Variants in MBNL2 observed in about 807,000 individuals in gnomAD.
MBNL2 encodes muscleblind-like protein 2.
A neutral mutation model predicts 41.9 loss-of-function variants in MBNL2; 17 were observed. The observed-to-expected ratio is 0.41, with a 90% confidence interval of 0.28 to 0.61. The LOEUF (loss-of-function observed/expected upper bound fraction) is 0.61, where lower values mean the gene tolerates loss of function less well. Among genes scored for constraint, MBNL2 ranks in the 20% least tolerant of loss-of-function variants. The pLI is 0.35. For missense variants in MBNL2, 336 were observed against 505.6 expected, an observed-to-expected ratio of 0.66 and a Z score of 3.22; for synonymous variants, 195 against 182.9, an observed-to-expected ratio of 1.07 and a Z score of -0.53.
At chr13:97,174,267 T>C in the MBNL2 span, among the ~76,000 whole-genome samples, 3 of 152,200 alleles carry the variant, frequency 2.0e-5, no homozygotes, top group Admixed American at 2.0e-4. Context: ...TTCCTAACTC[T>C]ACAGCCATAC....
At chr13:97,378,205 C>CTTA (rs2065131775) in intron 8 of MBNL2, among the ~76,000 whole-genome samples, 2 of 145,868 alleles carry the variant, frequency 1.4e-5, no homozygotes, top group African/African-American at 5.5e-5. Context: ...TATGTAATAA[C>CTTA]ACTGGCATTT....
chr13:97,286,403 T>A (rs924674452), intron 2 of MBNL2, among the ~76,000 whole-genome samples: 3 of 152,292 alleles, frequency 2.0e-5, no homozygotes, highest in African/African-American at 7.2e-5. Context: ...GATCCTAAAC[T>A]AGAGCACTTT....
intron 8 of MBNL2, among the ~76,000 whole-genome samples, chr13:97,370,739 C>T (rs184216357): frequency 7.3e-5 from 11 of 150,858 alleles, no homozygotes; most frequent in South Asian, 6.3e-4. Flanking sequence ...AATAAAATAA[C>T]CAGTGAAAAT....
intron 1 of MBNL2, among the ~76,000 whole-genome samples, chr13:97,240,187 G>A (rs1480533466): frequency 2.6e-5 from 4 of 152,128 alleles, no homozygotes; most frequent in African/African-American, 7.2e-5. Context: ...TTTATTGCTA[G>A]ACTACACAGT....
At chr13:97,356,573 T>C (rs1039530044) in intron 5 of MBNL2, among the ~76,000 whole-genome samples, 1 of 152,242 alleles carries the variant, frequency 6.6e-6, no homozygotes, top group Non-Finnish European at 1.5e-5. Flanking sequence ...TCAATACTAA[T>C]TTAAGGTGTA....
At chr13:97,379,492 T>C (rs977660602) in intron 8 of MBNL2, among the ~76,000 whole-genome samples, 2 of 152,122 alleles carry the variant, frequency 1.3e-5, no homozygotes, top group Non-Finnish European at 2.9e-5. Flanking sequence ...GTAACAACAC[T>C]AGTTGAGGAT....
the MBNL2 span, among the ~76,000 whole-genome samples, chr13:97,204,231 G>A: frequency 1.3e-5 from 2 of 152,170 alleles, no homozygotes; most frequent in African/African-American, 2.4e-5. Context: ...TCTTCTCAAC[G>A]CAGTGAGCCC....
the MBNL2 span, among the ~76,000 whole-genome samples, chr13:97,206,369 A>G: frequency 2.1e-3 from 317 of 152,106 alleles, 1 homozygote; most frequent in African/African-American, 6.4e-3. Flanking sequence ...AAGATCTCTC[A>G]GCTTTCCTTC....
chr13:97,191,253 G>C, the MBNL2 span, among the ~76,000 whole-genome samples: 1 of 151,432 alleles, frequency 6.6e-6, no homozygotes, highest in Admixed American at 6.6e-5. Flanking sequence ...GTGTGCACTG[G>C]GGTGGAGCCA....
intron 8 of MBNL2, among the ~76,000 whole-genome samples, chr13:97,385,158 C>A (rs971660232): frequency 2.6e-5 from 4 of 152,068 alleles, no homozygotes; most frequent in Non-Finnish European, 4.4e-5. Flanking sequence ...TTTAGCCATC[C>A]ATGCAAGCAA....
chr13:97,328,113 A>G (rs2060059644), intron 2 of MBNL2, among the ~76,000 whole-genome samples: 1 of 151,936 alleles, frequency 6.6e-6, no homozygotes, highest in Non-Finnish European at 1.5e-5. Flanking sequence ...AAGGTGCCCA[A>G]GAACAGCAGC....
intron 2 of MBNL2, among the ~76,000 whole-genome samples, chr13:97,326,513 C>A (rs967279516): frequency 2.6e-5 from 4 of 152,104 alleles, no homozygotes; most frequent in Admixed American, 2.6e-4. Flanking sequence ...TATGTTGAAC[C>A]AAATAATAAA....
intron 2 of MBNL2, among the ~76,000 whole-genome samples, chr13:97,297,145 T>C (rs1434356029): frequency 1.3e-5 from 2 of 152,212 alleles, no homozygotes; most frequent in Admixed American, 6.5e-5. Context: ...ATGCCTTTGT[T>C]CTGTTAACTT....
chr13:97,161,171 A>G, the MBNL2 span, among the ~76,000 whole-genome samples: 1 of 152,300 alleles, frequency 6.6e-6, no homozygotes, highest in East Asian at 1.9e-4. Context: ...GTTGTCTTTT[A>G]CTGAAGCCAA....
intron 3 of MBNL2, among the ~76,000 whole-genome samples, chr13:97,339,223 G>A (rs1412726416): frequency 7.5e-6 from 1 of 134,206 alleles, no homozygotes; most frequent in Non-Finnish European, 1.5e-5. Context: ...GTATGGGAGT[G>A]TGTTGTGAAT....
At chr13:97,374,063 A>ATTTTTTTTTTTTTTTTTTT (rs61185219) in intron 8 of MBNL2, among the ~76,000 whole-genome samples, 4 of 63,108 alleles carry the variant, frequency 6.3e-5, no homozygotes, top group Non-Finnish European at 9.2e-5. Context: ...CCTCCTTTGC[A>ATTTTTTTTTTTTTTTTTTT]TTTTTTTTTT....
Position 97,276,185 on chromosome 13 carries a change from G to T in MBNL2, c.-51G>T, listed in dbSNP as rs377260726. The T allele has an allele frequency of 1.4e-6, 2 of 1,420,408 alleles. No homozygotes were observed. Among genetic ancestry groups the T allele is most frequent in the Non-Finnish European group, 2.0e-6 (2 of 1,011,372 alleles). 88.0% of individuals were successfully genotyped at this position (1,420,408 alleles called of 1,614,324 possible). On this transcript the variant is annotated 5_prime_UTR_variant, in exon 2 of 9. Transcript: ENST00000679496. ...GTAGTTTTGGAATCATTAGAACTTGGATTGATTTCATCATTTAACAGAAAC... is the reference window on the plus strand; with the variant it reads ...GTAGTTTTGGAATCATTAGAACTTGTATTGATTTCATCATTTAACAGAAAC...
chr13:97,300,611 C>T (rs1338487522), intron 2 of MBNL2, among the ~76,000 whole-genome samples: 1 of 152,168 alleles, frequency 6.6e-6, no homozygotes, highest in Non-Finnish European at 1.5e-5. Flanking sequence ...GTAATACCTC[C>T]ATGAAGCCCA....
chr13:97,148,045 AGAG>A, the MBNL2 span, among the ~76,000 whole-genome samples: 2 of 152,194 alleles, frequency 1.3e-5, no homozygotes, highest in Non-Finnish European at 2.9e-5. Context: ...CTTGGAAAGA[AGAG>A]GAGTCGGCAT....
Sources: allele counts gnomAD v4.1 joint callset (sites outside exome capture counted in the v4.1 genomes callset), GRCh38; gene constraint gnomAD v4.1.1; transcripts MANE v1.5; gene names NCBI Gene and HGNC (gene_info 2026-07-23, HGNC 2026-07-21).